CDH13: variants seen among roughly 807,000 people sequenced by gnomAD.
The protein encoded by CDH13 is cadherin-13.
Under a neutral mutation model 63.8 loss-of-function variants are expected in CDH13, and 24 were observed. The observed-to-expected ratio is 0.38, with a 90% CI of 0.27 to 0.53. The LOEUF (loss-of-function observed/expected upper bound fraction) is 0.53. Ranked by LOEUF, CDH13 falls within the 20% of genes least tolerant of loss-of-function variation. The pLI, the probability that CDH13 is intolerant of heterozygous loss-of-function variation, is 0.85. For missense variants in CDH13, 1,049 were observed against 903.1 expected (o/e 1.16, Z -2.07); for synonymous variants, 503 against 355.3 (o/e 1.42, Z -4.67).
chr16:83,619,148 C>A (rs1027778879), intron 8 of CDH13, among the ~76,000 whole-genome samples: 1 of 151,932 alleles, frequency 6.6e-6, no homozygotes, highest in African/African-American at 2.4e-5. Context: ...ATTCATTCAT[C>A]CACCTGCTTG....
chr16:82,975,779 A>G (rs577206075), intron 2 of CDH13, among the ~76,000 whole-genome samples: 16 of 152,208 alleles, frequency 1.1e-4, no homozygotes, highest in African/African-American at 3.9e-4. Context: ...AAAGGCCTTT[A>G]TATATTATTT....
chr16:82,981,709 T>C (rs1299332411), intron 2 of CDH13, among the ~76,000 whole-genome samples: 1 of 151,994 alleles, frequency 6.6e-6, no homozygotes, highest in Non-Finnish European at 1.5e-5. Context: ...TGCAAGTGCT[T>C]TTATGTTTCT....
At chr16:83,612,326 T>C (rs1908932167) in intron 8 of CDH13, among the ~76,000 whole-genome samples, 1 of 152,056 alleles carries the variant, frequency 6.6e-6, no homozygotes. Context: ...ATAATTATCT[T>C]ACCTTTCTTT....
intron 2 of CDH13, among the ~76,000 whole-genome samples, chr16:83,021,784 C>T (rs113992716): frequency 6.6e-6 from 1 of 152,176 alleles, no homozygotes; most frequent in Non-Finnish European, 1.5e-5. Context: ...CTAGAATACT[C>T]CCAGAACCTT....
chr16:82,861,145 C>G (rs554198926), intron 2 of CDH13, among the ~76,000 whole-genome samples: 1 of 152,016 alleles, frequency 6.6e-6, no homozygotes, highest in South Asian at 2.1e-4. Flanking sequence ...CATTGTATAC[C>G]AAAGATCCAG....
In CDH13 at chr16:83,335,324, T is replaced by A. The variant is rs56840056; in HGVS notation, c.637-9538T>A. The stretch of plus-strand genomic sequence containing the variant: ...CCCTTAACAATTACCGGCTCTTAAC[T>A]TTTCTTTATCTGGGGGCAAATGCTG... On this transcript the variant is annotated intron_variant, in intron 5 of 13. Transcript: ENST00000567109. Among the ~76,000 whole-genome samples the A allele has an allele frequency of 8.5e-3, 1,298 of 152,260 alleles. 14 individuals are homozygous for A. Among genetic ancestry groups the A allele is most frequent in the South Asian group, 0.05 (240 of 4,828 alleles).
chr16:82,787,560 C>T (rs1034003293), intron 1 of CDH13, among the ~76,000 whole-genome samples: 25 of 152,252 alleles, frequency 1.6e-4, no homozygotes, highest in African/African-American at 5.8e-4. Context: ...ATTTATCGAG[C>T]ATTTATTGTA....
At chr16:83,462,711 A>T (rs1486066698) in intron 6 of CDH13, among the ~76,000 whole-genome samples, 1 of 152,202 alleles carries the variant, frequency 6.6e-6, no homozygotes, top group Non-Finnish European at 1.5e-5. Context: ...AGTCAAGATC[A>T]TGCCACTGCA....
chr16:83,091,867 A>T (rs1210495121), intron 3 of CDH13, among the ~76,000 whole-genome samples: 1 of 152,180 alleles, frequency 6.6e-6, no homozygotes. Context: ...TCTTTACTCC[A>T]AAGGGTTTGA....
At chr16:83,786,091 A>G (rs1915862385) in intron 13 of CDH13, among the ~76,000 whole-genome samples, 2 of 152,336 alleles carry the variant, frequency 1.3e-5, no homozygotes, top group Admixed American at 6.5e-5. Context: ...GTGAGATGAC[A>G]GAACACATCC....
intron 4 of CDH13, among the ~76,000 whole-genome samples, chr16:83,213,788 G>A (rs1278297684): frequency 6.6e-6 from 1 of 152,162 alleles, no homozygotes; most frequent in Non-Finnish European, 1.5e-5. Context: ...GTGGGGACTT[G>A]CAGAACTTTT....
chr16:83,562,366 A>G (rs2075724457), intron 7 of CDH13, among the ~76,000 whole-genome samples: 1 of 152,232 alleles, frequency 6.6e-6, no homozygotes, highest in South Asian at 2.1e-4. Context: ...ATAGCAAAAA[A>G]TTAGCAAACA....
At chr16:83,666,187 T>A (rs1356317255) in intron 8 of CDH13, among the ~76,000 whole-genome samples, 1 of 152,244 alleles carries the variant, frequency 6.6e-6, no homozygotes, top group Non-Finnish European at 1.5e-5. Context: ...CTATTGTTTT[T>A]AAATCACAAA....
intron 1 of CDH13, among the ~76,000 whole-genome samples, chr16:82,812,195 G>C (rs565154412): frequency 7.9e-5 from 12 of 152,244 alleles, no homozygotes; most frequent in South Asian, 6.2e-4. Flanking sequence ...CTCTTCGAAG[G>C]ATCCTGTGCA....
At chr16:83,441,695 A>G (rs2072485002) in intron 6 of CDH13, among the ~76,000 whole-genome samples, 1 of 152,120 alleles carries the variant, frequency 6.6e-6, no homozygotes, top group African/African-American at 2.4e-5. Flanking sequence ...GCTCTGTGAC[A>G]GTGAAATGAC....
At chr16:83,489,110 G>A (rs61318461) in intron 7 of CDH13, among the ~76,000 whole-genome samples, 233 of 152,268 alleles carry the variant, frequency 1.5e-3, no homozygotes, top group African/African-American at 5.6e-3. Context: ...ATGAAGCATG[G>A]TGATTTCTCC....
intron 1 of CDH13, among the ~76,000 whole-genome samples, chr16:82,810,146 G>T (rs1677581342): frequency 6.6e-6 from 1 of 152,208 alleles, no homozygotes; most frequent in Admixed American, 6.5e-5. Flanking sequence ...TAAGGACATG[G>T]TGCCTACTTT....
At chr16:83,318,617 A>C (rs1315786189) in intron 5 of CDH13, among the ~76,000 whole-genome samples, 1 of 152,174 alleles carries the variant, frequency 6.6e-6, no homozygotes, top group East Asian at 1.9e-4. Context: ...ATGCCTACTT[A>C]GTGGCAGTTC....
chr16:82,778,570 GAAAAAAA>G (rs11350020), intron 1 of CDH13, among the ~76,000 whole-genome samples: 3 of 85,786 alleles, frequency 3.5e-5, no homozygotes, highest in African/African-American at 9.4e-5. Context: ...ATCACGACCA[GAAAAAAA>G]AAAAAAAAAA....
Sources: gnomAD v4.1 joint callset for allele counts (sites outside exome capture counted in the v4.1 genomes callset) on GRCh38, gnomAD v4.1.1 for gene constraint, MANE v1.5 for transcripts, NCBI Gene and HGNC (gene_info 2026-07-23, HGNC 2026-07-21) for gene names.